The following KIF26B variants were observed in gnomAD, a reference collection of about 807,000 sequenced individuals.
KIF26B encodes the protein kinesin family member 26B, also known as kinesin-like protein KIF26B.
Under a neutral mutation model 151.2 loss-of-function variants are expected in KIF26B, and 63 were observed. That is an observed-to-expected ratio of 0.42 (90% CI 0.34 to 0.51). The LOEUF is 0.51. KIF26B is among the 20% of genes least tolerant of loss of function. KIF26B has a pLI of 0.07. For missense variants in KIF26B, 2,813 were observed against 2,913.6 expected, an observed-to-expected ratio of 0.97 and a Z score of 0.79; for synonymous variants, 1,357 against 1,262.1, an observed-to-expected ratio of 1.08 and a Z score of -1.59.
intron 4 of KIF26B, among the ~76,000 whole-genome samples, chr1:245,444,002 G>C (rs1413123927): frequency 3.8e-5 from 5 of 130,236 alleles, no homozygotes; most frequent in African/African-American, 9.2e-5. Context: ...TGTTCACCTA[G>C]AGCGGTCATC....
In KIF26B at chr1:245,707,266, C is replaced by T. The variant is rs1324869225; in HGVS notation, c.*4660C>T. The stretch of plus-strand genomic sequence containing the variant: ...GGCAGTATCAAGCCTTCATTGCATA[C>T]AAACCTTAATCTCTAAGCATAGTTG... On this transcript the variant is annotated 3_prime_UTR_variant, in exon 15 of 15. Coordinates refer to ENST00000407071, the MANE Select transcript of KIF26B (RefSeq NM_018012.4). 6.6e-6 allele frequency: 1 copy of T among 152,186 alleles called. No homozygotes were observed. The highest frequency in any genetic ancestry group is 2.4e-5 in the African/African-American group (1 of 41,444). The allele number at this position is 152,186 out of a possible 1,614,324, so 9.4% of individuals were successfully genotyped here. A position where few individuals can be genotyped will look rare whatever the true frequency, so the allele number is the denominator to read the frequency against.
chr1:245,703,676 G>GTGT lies in KIF26B; in HGVS notation c.*1074_*1076dup, dbSNP rs2044804330. The stretch of plus-strand genomic sequence containing the variant: ...ATATTTCTTTCTTTAGTATTTTCTA[G>GTGT]TGTTGTGTTGTAGATTGATTAAAGT... On this transcript the variant is annotated 3_prime_UTR_variant, in exon 15 of 15. Coordinates refer to ENST00000407071, the MANE Select transcript of KIF26B (RefSeq NM_018012.4). 1 of 152,194 alleles carries GTGT rather than the reference G, an allele frequency of 6.6e-6. No homozygotes were observed. Among genetic ancestry groups the GTGT allele is most frequent in the East Asian group, 1.9e-4 (1 of 5,198 alleles). 9.4% of individuals were successfully genotyped at this position (152,194 alleles called of 1,614,324 possible).
At chr1:245,377,772 A>C (rs1444152043) in intron 3 of KIF26B, among the ~76,000 whole-genome samples, 1 of 152,172 alleles carries the variant, frequency 6.6e-6, no homozygotes, top group Non-Finnish European at 1.5e-5. Flanking sequence ...ACGGCTGGTC[A>C]GCAGTGGAGG....
chr1:245,261,139 CTCTTTCTTTCTT>C (rs576775673), intron 2 of KIF26B, among the ~76,000 whole-genome samples: 2 of 149,470 alleles, frequency 1.3e-5, no homozygotes, highest in African/African-American at 4.9e-5. Context: ...TCCTCTTTCT[CTCTTTCTTTCTT>C]TCTTTTCTTT....
At chr1:245,524,230 G>A (rs1019254504) in intron 4 of KIF26B, among the ~76,000 whole-genome samples, 1 of 152,232 alleles carries the variant, frequency 6.6e-6, no homozygotes, top group Non-Finnish European at 1.5e-5. Context: ...TGCTCCCACT[G>A]TGTGCAGATC....
Position 245,229,442 on chromosome 1 carries a change from C to T in KIF26B, c.465+72759C>T, listed in dbSNP as rs185131027. 7.2e-4 allele frequency among the ~76,000 whole-genome samples: 109 copies of T among 152,258 alleles called. 1 individual carries two copies. The highest frequency in any genetic ancestry group is 2.5e-3 in the African/African-American group (104 of 41,548). On this transcript the variant is annotated intron_variant, in intron 2 of 14. Coordinates refer to ENST00000407071, the MANE Select transcript of KIF26B (RefSeq NM_018012.4). Reference sequence around the variant, plus strand: ...AAGAGGTACATTGTAGTTCAAACTCCTGCAGGTAAGGAGCCGTGACTTACT... The same window carrying T: ...AAGAGGTACATTGTAGTTCAAACTCTTGCAGGTAAGGAGCCGTGACTTACT...
chr1:245,569,924 A>G (rs2043049507), intron 5 of KIF26B, among the ~76,000 whole-genome samples: 3 of 118,060 alleles, frequency 2.5e-5, no homozygotes, highest in African/African-American at 3.5e-5. Context: ...TTGTAAATAG[A>G]GAATTTTTTT....
intron 4 of KIF26B, among the ~76,000 whole-genome samples, chr1:245,508,152 GGT>G (rs1660760983): frequency 1.3e-5 from 2 of 152,180 alleles, no homozygotes; most frequent in South Asian, 4.1e-4. Flanking sequence ...CTCAAGTGCT[GGT>G]GTTTCCCCAA....
intron 3 of KIF26B, among the ~76,000 whole-genome samples, chr1:245,377,072 G>T (rs530478952): frequency 6.6e-6 from 1 of 151,088 alleles, no homozygotes; most frequent in South Asian, 2.1e-4. Context: ...GCATCACCAC[G>T]CCTGGCTAAT....
intron 1 of KIF26B, among the ~76,000 whole-genome samples, chr1:245,155,954 G>T (rs1015402992): frequency 6.6e-6 from 1 of 151,754 alleles, no homozygotes; most frequent in African/African-American, 2.4e-5. Flanking sequence ...TGCTGGGATA[G>T]GTGCCGGCTT....
At chr1:245,207,330 G>A (rs753013081) in intron 2 of KIF26B, among the ~76,000 whole-genome samples, 3 of 152,146 alleles carry the variant, frequency 2.0e-5, no homozygotes, top group African/African-American at 7.2e-5. Context: ...CATTCCTAAC[G>A]CAGCTTGTCC....
At position 245,376,658 on chromosome 1, in the gene KIF26B, A is replaced by C. The variant is rs146819041; in HGVS notation, c.999+9291A>C. 2.4e-3 allele frequency among the ~76,000 whole-genome samples: 367 copies of C among 152,266 alleles called. 1 individual carries two copies. The highest frequency in any genetic ancestry group is 0.01 in the Middle Eastern group (3 of 294). On this transcript the variant is annotated intron_variant, in intron 3 of 14. Coordinates refer to ENST00000407071, the MANE Select transcript of KIF26B (RefSeq NM_018012.4). ...TTTCTTATGGCTGCCATCACAATTT[A>C]CTACTAACTATGTGGCTTTATTTTT...
intron 10 of KIF26B, among the ~76,000 whole-genome samples, chr1:245,649,695 AAC>A (rs2043994039): frequency 6.6e-6 from 1 of 151,848 alleles, no homozygotes; most frequent in African/African-American, 2.4e-5. Flanking sequence ...CCCCCCAAAA[AAC>A]ACAGACACCC....
At position 245,686,318 on chromosome 1, in the gene KIF26B, G is replaced by C; in HGVS notation, c.3335G>C (p.Gly1112Ala). The change falls in exon 12 of 15, where the codon GGC becomes GCC. Residue 1112 changes from glycine (G) to alanine (A), a missense_variant. By Grantham distance (60) the Gly-to-Ala change is moderately conservative. This residue lies in a region of KIF26B where 2,060 missense variants were observed against 2,088.6 expected (regional missense o/e 0.99). Transcript: ENST00000407071. This position sits in a 1 kb window ranked among gnomAD's most constrained non-coding sequence, Gnocchi z 5.6. ...APLPPSSKDS[G>A]VASRESLLQP... is the part of the protein sequence containing the mutation. The stretch of plus-strand genomic sequence containing the variant: ...CTGCCTCCCTCGAGCAAGGATTCCG[G>C]CGTGGCGTCTAGGGAGTCCTTGCTG... The C allele has an allele frequency of 1.9e-6, 3 of 1,613,156 alleles. No homozygotes were observed. The highest frequency in any genetic ancestry group is 2.2e-5 in the South Asian group (2 of 91,074).
At chr1:245,238,011 G>GC (rs1416600641) in intron 2 of KIF26B, among the ~76,000 whole-genome samples, 1 of 143,388 alleles carries the variant, frequency 7.0e-6, no homozygotes, top group African/African-American at 2.6e-5. Context: ...GGGCAACAGA[G>GC]CAAGACCCTG....
intron 4 of KIF26B, among the ~76,000 whole-genome samples, chr1:245,439,166 G>T (rs528761311): frequency 3.9e-5 from 6 of 151,930 alleles, no homozygotes; most frequent in African/African-American, 1.4e-4. Flanking sequence ...TGGGTGACAT[G>T]GCAAGACCCT....
chr1:245,671,369 A>G (rs1229002720), intron 10 of KIF26B, among the ~76,000 whole-genome samples: 1 of 152,230 alleles, frequency 6.6e-6, no homozygotes, highest in East Asian at 1.9e-4. Context: ...TGAGTAACAT[A>G]AGCCACACCC....
chr1:245,268,519 G>GT lies in KIF26B; in HGVS notation c.466-98305dup, dbSNP rs201556101. Among the ~76,000 whole-genome samples the GT allele has an allele frequency of 1.4e-4, 12 of 87,908 alleles. No homozygotes were observed. The South Asian group carries it at 1.5e-3, about 11-fold the overall frequency. 57.7% of individuals were successfully genotyped at this position (87,908 alleles called of 152,430 possible). On this transcript the variant is annotated intron_variant, in intron 2 of 14. Transcript: ENST00000407071. ...TAATAATAATAATAATAATAATAAA[G>GT]TTTTTTTTTTAAAAATTGGGATTTT...
chr1:245,673,381 GCGC>G, intron 10 of KIF26B, among the ~76,000 whole-genome samples: 6 of 132,984 alleles, frequency 4.5e-5, no homozygotes, highest in South Asian at 2.6e-4. Flanking sequence ...TCCCCGCTGC[GCGC>G]TGCCATCTTA....
Sources: gnomAD v4.1 joint callset for allele counts (sites outside exome capture counted in the v4.1 genomes callset) on GRCh38, gnomAD v4.1.1 for gene constraint, gnomAD v4.1.1 regional missense constraint, Gnocchi (gnomAD v3.1) non-coding constraint, MANE v1.5 for transcripts, NCBI Gene and HGNC (gene_info 2026-07-23, HGNC 2026-07-21) for gene names.